Variants in ABCC1 observed in about 807,000 individuals in gnomAD.
ABCC1 encodes the protein ATP binding cassette subfamily C member 1 (ABCC1 blood group).
Under a neutral mutation model 172.9 loss-of-function variants are expected in ABCC1, and 83 were observed. The observed-to-expected ratio is 0.48, with a 90% CI of 0.40 to 0.58. The LOEUF is 0.58. Among genes scored for constraint, ABCC1 ranks in the 20% least tolerant of loss-of-function variants. The pLI is 0.00. For synonymous variants in ABCC1, 937 were observed against 825.2 expected, an observed-to-expected ratio of 1.14 and a Z score of -2.32; for missense variants, 1,817 against 2,002.7, an observed-to-expected ratio of 0.91 and a Z score of 1.77.
chr16:16,036,801 C>T (rs1268259374), intron 7 of ABCC1, among the ~76,000 whole-genome samples, 198 bp downstream of exon 7: 1 of 152,106 alleles, frequency 6.6e-6, no homozygotes, highest in East Asian at 1.9e-4. Context: ...ATTAAAGCAA[C>T]TGGGCAGAGA....
At chr16:16,010,439 C>G (rs1381935096) in intron 3 of ABCC1, among the ~76,000 whole-genome samples, 1 of 152,090 alleles carries the variant, frequency 6.6e-6, no homozygotes, top group East Asian at 1.9e-4. Context: ...TGGCAGATGC[C>G]CCCTTTTGTT....
At position 16,125,839 on chromosome 16, in the gene ABCC1, G is replaced by C; in HGVS notation, c.3747G>C (p.Arg1249=). 1 of 1,614,082 alleles carries C rather than the reference G, an allele frequency of 6.2e-7. No homozygotes were observed. Among genetic ancestry groups the C allele is most frequent in the Non-Finnish European group, 8.5e-7 (1 of 1,179,994 alleles). ...CCACGTACTTGAACTGGCTGGTTCG[G>C]ATGTCATCTGAAATGGAAACCAACA... is the stretch of plus-strand genomic sequence containing the variant. The part of the protein sequence containing the change: ...QVTTYLNWLV[R]MSSEMETNIV... Residue 1249 remains arginine (R), a synonymous_variant, in exon 26 of 31, where the codon CGG becomes CGC. Coordinates refer to ENST00000399410, the MANE Select transcript of ABCC1 (RefSeq NM_004996.4).
intron 1 of ABCC1, among the ~76,000 whole-genome samples, chr16:16,006,948 ATATTGG>A (rs1462365998): frequency 3.3e-5 from 5 of 151,340 alleles, no homozygotes; most frequent in Non-Finnish European, 5.9e-5. Context: ...GTTGGCAGTG[ATATTGG>A]TGGTGGTGAT....
At chr16:16,105,743 C>T (rs2052059822) in intron 20 of ABCC1, among the ~76,000 whole-genome samples, 1 of 148,896 alleles carries the variant, frequency 6.7e-6, no homozygotes. Context: ...CATGAGTCTC[C>T]CTCTGTCGCC....
At chr16:16,064,435 G>C (rs1386341535) in intron 12 of ABCC1, among the ~76,000 whole-genome samples, 1 of 152,204 alleles carries the variant, frequency 6.6e-6, no homozygotes, top group African/African-American at 2.4e-5. Flanking sequence ...TGGGTGCTCA[G>C]TTACCACCTG....
chr16:16,007,882 G>A lies in ABCC1; in HGVS notation c.115G>A (p.Val39Met), dbSNP rs538744747. Residue 39 changes from valine (V) to methionine (M), a missense_variant, in exon 2 of 31, where the codon GTG becomes ATG. Coordinates refer to ENST00000399410, the MANE Select transcript of ABCC1 (RefSeq NM_004996.4). ...CAAGTGCTTTCAGAACACGGTCCTC[G>A]TGTGGGTGCCTTGTTTTTACCTCTG... ...FTKCFQNTVLVWVPCFYLWAC... is the reference protein window; with the variant it reads ...FTKCFQNTVLMWVPCFYLWAC... 12 of 1,613,714 alleles carry A rather than the reference G, an allele frequency of 7.4e-6. No homozygotes were observed. The Admixed American group carries it at 1.2e-4, about 16-fold the overall frequency.
At chr16:16,039,404 A>T (rs1446433675) in intron 7 of ABCC1, among the ~76,000 whole-genome samples, 1 of 150,278 alleles carries the variant, frequency 6.7e-6, no homozygotes, top group African/African-American at 2.5e-5. Flanking sequence ...AAGTGCTGGG[A>T]TTACAGGTGC....
At chr16:16,125,776 C>A in intron 25 of ABCC1, 34 bp from the exon 26 acceptor site, 4 of 1,501,178 alleles carry the variant, frequency 2.7e-6, no homozygotes, top group Non-Finnish European at 2.8e-6. Context: ...CGCCCGCTTA[C>A]TCTAGAAATG....
intron 1 of ABCC1, among the ~76,000 whole-genome samples, chr16:15,962,279 T>C (rs565443252): frequency 2.9e-4 from 44 of 152,356 alleles, no homozygotes; most frequent in African/African-American, 1.0e-3. Flanking sequence ...TTTGGACTTA[T>C]TTTAAAAATT....
At position 16,026,464 on chromosome 16, in the gene ABCC1, C is replaced by CTTTTTTTTTTTTTTTTTTTT. The variant is rs1491397616; in HGVS notation, c.616-6645_616-6644insTTTTTTTTTTTTTTTTTTTT. ...AAAAAAAAAAAAAAAAAGGCTATTT[C>CTTTTTTTTTTTTTTTTTTTT]CTTTTTTTTTTTTTTTTTTTTTTTG... On this transcript the variant is annotated intron_variant, in intron 5 of 30. Transcript: ENST00000399410. 2.1e-4 allele frequency among the ~76,000 whole-genome samples: 21 copies of CTTTTTTTTTTTTTTTTTTTT among 102,294 alleles called. 1 individual carries two copies. The highest frequency in any genetic ancestry group is 5.9e-4 in the African/African-American group (17 of 28,722). The allele number at this position is 102,294 out of a possible 152,430, so 67.1% of individuals were successfully genotyped here.
chr16:15,986,440 A>C (rs955556434), intron 1 of ABCC1, among the ~76,000 whole-genome samples: 1 of 152,162 alleles, frequency 6.6e-6, no homozygotes, highest in Non-Finnish European at 1.5e-5. Flanking sequence ...TACCACCTGA[A>C]TTCCACCTCC....
chr16:16,090,256 C>A, intron 18 of ABCC1, 149 bp from the exon 19 acceptor site: 1 of 699,112 alleles, frequency 1.4e-6, no homozygotes, highest in Non-Finnish European at 2.3e-6. Context: ...CTCCTGGATG[C>A]TGTTATCGCG....
intron 21 of ABCC1, among the ~76,000 whole-genome samples, chr16:16,109,466 C>T (rs762765509): frequency 2.0e-5 from 3 of 152,138 alleles, no homozygotes; most frequent in Admixed American, 6.5e-5. Flanking sequence ...TGTGAGCCAC[C>T]GCACCCAGTC....
chr16:16,067,101 C>T (rs35603), intron 12 of ABCC1, among the ~76,000 whole-genome samples: 121,712 of 151,674 alleles, frequency 0.8, 48,971 homozygotes, highest in Non-Finnish European at 0.83. Flanking sequence ...AATAAAAAAA[C>T]TAGCCGGGCA....
At chr16:16,040,664 A>G (rs1050463101) in intron 7 of ABCC1, among the ~76,000 whole-genome samples, 14 of 151,742 alleles carry the variant, frequency 9.2e-5, no homozygotes, top group African/African-American at 3.4e-4. Flanking sequence ...GGTTAGTTAC[A>G]TATGTATAGA....
intron 7 of ABCC1, among the ~76,000 whole-genome samples, chr16:16,039,810 C>T (rs551628933): frequency 6.6e-6 from 1 of 152,138 alleles, no homozygotes; most frequent in East Asian, 1.9e-4. Context: ...TTGTGTGTAT[C>T]TGGGGAAGGA....
At chr16:16,044,358 C>A in intron 7 of ABCC1, 92 bp from the exon 8 acceptor site, 1 of 1,138,404 alleles carries the variant, frequency 8.8e-7, no homozygotes, top group Non-Finnish European at 1.3e-6. Flanking sequence ...ACTCTGCCTT[C>A]CCTGAAGGGT....
chr16:16,060,148 C>A (rs1050547789), intron 12 of ABCC1, among the ~76,000 whole-genome samples: 8 of 152,152 alleles, frequency 5.3e-5, no homozygotes, highest in African/African-American at 1.9e-4. Flanking sequence ...CTGCCACATT[C>A]TACTGCCAGC....
chr16:16,090,723 C>A (rs894478979), intron 19 of ABCC1, 135 bp downstream of exon 19: 7 of 969,856 alleles, frequency 7.2e-6, no homozygotes, highest in Non-Finnish European at 1.0e-5. Flanking sequence ...CTGGATGGAG[C>A]CCCCTAAAGA....
Sources: gnomAD v4.1 joint callset for allele counts (sites outside exome capture counted in the v4.1 genomes callset) on GRCh38, gnomAD v4.1.1 for gene constraint, MANE v1.5 for transcripts, NCBI Gene and HGNC (gene_info 2026-07-23, HGNC 2026-07-21) for gene names.